Variants in FER observed in about 807,000 individuals in gnomAD.
FER encodes tyrosine-protein kinase Fer.
FER carries 63 observed loss-of-function variants against 111.0 expected under a neutral mutation model. The ratio of observed to expected loss-of-function variants is 0.57; its 90% CI spans 0.46 to 0.70. FER has a LOEUF of 0.70. FER is among the 30% of genes least tolerant of loss of function. The pLI, the probability that FER is intolerant of heterozygous loss-of-function variation, is 0.00. For missense variants in FER, 914 were observed against 954.0 expected (o/e 0.96, Z 0.55); for synonymous variants, 327 against 313.9 (o/e 1.04, Z -0.44).
rs1316101420 is a variant in FER, at chr5:109,191,224, C to T, written c.*3649C>T. On this transcript the variant is annotated 3_prime_UTR_variant, in exon 20 of 20. Coordinates refer to ENST00000281092, the MANE Select transcript of FER (RefSeq NM_005246.4). Reference sequence around the variant, plus strand: ...ATCTGAATCATAAGTCACAGTTTTTCAGGGTTCTTTCAGTCACACCACTTT... The same window carrying T: ...ATCTGAATCATAAGTCACAGTTTTTTAGGGTTCTTTCAGTCACACCACTTT... 1.3e-5 allele frequency: 2 copies of T among 152,136 alleles called. No individual in the cohort carries two copies. Among genetic ancestry groups the T allele is most frequent in the African/African-American group, 4.8e-5 (2 of 41,432 alleles). The allele number at this position is 152,136 out of a possible 1,614,324, so 9.4% of individuals were successfully genotyped here.
At chr5:109,107,900 A>G (rs139670627) in intron 17 of FER, among the ~76,000 whole-genome samples, 1 of 152,290 alleles carries the variant, frequency 6.6e-6, no homozygotes, top group Non-Finnish European at 1.5e-5. Context: ...CAGGTAATTA[A>G]TTAGTCTTTG....
At chr5:108,940,416 C>G (rs989349209) in intron 10 of FER, among the ~76,000 whole-genome samples, 1 of 152,048 alleles carries the variant, frequency 6.6e-6, no homozygotes, top group Non-Finnish European at 1.5e-5. Flanking sequence ...AAGAGACCAT[C>G]ATTTCTTCCT....
rs186430658 is a variant in FER at position 108,863,263 on chromosome 5, G to T, written c.482-4504G>T. Among the ~76,000 whole-genome samples, 464 of 152,238 alleles carry T rather than the reference G, an allele frequency of 3.0e-3. 2 individuals are homozygous for T. The highest frequency in any genetic ancestry group is 0.011 in the African/African-American group (440 of 41,542). Reference sequence around the variant, plus strand: ...GCCTCCCGATTGGCTGGGACCACAGGCATGCACCACCACACCTGGCTACTT... The same window carrying T: ...GCCTCCCGATTGGCTGGGACCACAGTCATGCACCACCACACCTGGCTACTT... On this transcript the variant is annotated intron_variant, in intron 5 of 19. Coordinates refer to ENST00000281092, the MANE Select transcript of FER (RefSeq NM_005246.4).
chr5:109,007,753 T>C (rs894919512), intron 13 of FER, among the ~76,000 whole-genome samples: 1 of 152,206 alleles, frequency 6.6e-6, no homozygotes, highest in African/African-American at 2.4e-5. Flanking sequence ...ACATTAACTT[T>C]TCATTTATCG....
At chr5:108,892,385 G>C (rs1748249024) in intron 9 of FER, among the ~76,000 whole-genome samples, 1 of 152,072 alleles carries the variant, frequency 6.6e-6, no homozygotes, top group African/African-American at 2.4e-5. Flanking sequence ...GTATCTCATT[G>C]TGGTTTTGAT....
At chr5:109,030,472 G>A (rs910976762) in intron 13 of FER, among the ~76,000 whole-genome samples, 1 of 152,130 alleles carries the variant, frequency 6.6e-6, no homozygotes, top group Non-Finnish European at 1.5e-5. Context: ...TTTAGGTTTA[G>A]CAGGTAGGGC....
intron 16 of FER, among the ~76,000 whole-genome samples, chr5:109,069,541 A>G (rs1257306611): frequency 1.3e-5 from 2 of 152,146 alleles, no homozygotes; most frequent in Non-Finnish European, 2.9e-5. Flanking sequence ...CATTGTCTCT[A>G]CCCCCTGAGT....
intron 3 of FER, among the ~76,000 whole-genome samples, chr5:108,830,022 G>T (rs923794507): frequency 2.0e-5 from 3 of 152,198 alleles, no homozygotes; most frequent in African/African-American, 4.8e-5. Flanking sequence ...CTTTCAGGAA[G>T]AGATTGGAGC....
chr5:108,948,690 A>C (rs900382247), intron 11 of FER, among the ~76,000 whole-genome samples: 1 of 152,090 alleles, frequency 6.6e-6, no homozygotes, highest in Non-Finnish European at 1.5e-5. Flanking sequence ...TGTTCCAGTC[A>C]TGTCAAGAAT....
At chr5:109,184,700 A>G (rs911596301) in intron 18 of FER, among the ~76,000 whole-genome samples, 5 of 152,242 alleles carry the variant, frequency 3.3e-5, no homozygotes, top group African/African-American at 1.2e-4. Flanking sequence ...AAGAAAATTA[A>G]TCTTCCACCC....
chr5:109,093,340 C>T (rs1210029162), intron 16 of FER, among the ~76,000 whole-genome samples: 1 of 152,114 alleles, frequency 6.6e-6, no homozygotes, highest in Non-Finnish European at 1.5e-5. Flanking sequence ...CCAACTCTTG[C>T]TGCAATGTGT....
chr5:109,138,403 G>C (rs899201070), intron 17 of FER, among the ~76,000 whole-genome samples: 17 of 152,156 alleles, frequency 1.1e-4, no homozygotes, highest in Admixed American at 9.8e-4. Context: ...CCAAGGTACA[G>C]CATGGGTGGT....
chr5:108,869,879 G>A (rs1359961739), intron 6 of FER, among the ~76,000 whole-genome samples: 4 of 151,902 alleles, frequency 2.6e-5, no homozygotes, highest in Non-Finnish European at 5.9e-5. Flanking sequence ...CTAAATTTTA[G>A]GTGATCCTCC....
At chr5:109,164,616 T>C (rs1385149168) in intron 17 of FER, among the ~76,000 whole-genome samples, 2 of 152,220 alleles carry the variant, frequency 1.3e-5, no homozygotes, top group Admixed American at 1.3e-4. Flanking sequence ...GCATTTGCCA[T>C]TTAGTATCAT....
chr5:109,049,209 T>A (rs187606057), intron 16 of FER, among the ~76,000 whole-genome samples: 1 of 152,332 alleles, frequency 6.6e-6, no homozygotes, highest in Admixed American at 6.5e-5. Context: ...ACCCATTTTT[T>A]ACCTGACAGG....
intron 13 of FER, among the ~76,000 whole-genome samples, chr5:109,011,918 A>G (rs1766324609): frequency 6.6e-6 from 1 of 152,184 alleles, no homozygotes; most frequent in Admixed American, 6.6e-5. Context: ...TCTGACAGCC[A>G]CTATGAACAC....
At chr5:109,074,626 C>T (rs1215414784) in intron 16 of FER, among the ~76,000 whole-genome samples, 1 of 152,166 alleles carries the variant, frequency 6.6e-6, no homozygotes, top group Non-Finnish European at 1.5e-5. Context: ...TGGAGCACAG[C>T]TCAAAGTAAA....
chr5:108,937,970 C>T (rs1448299439), intron 10 of FER, among the ~76,000 whole-genome samples: 2 of 151,110 alleles, frequency 1.3e-5, no homozygotes, highest in Non-Finnish European at 1.5e-5. Context: ...CTTTCTTCTG[C>T]TCTTTCCTTC....
intron 1 of FER, among the ~76,000 whole-genome samples, chr5:108,751,180 G>A (rs964738311): frequency 6.6e-6 from 1 of 151,882 alleles, no homozygotes; most frequent in Non-Finnish European, 1.5e-5. Flanking sequence ...TAACAAGACC[G>A]AAACTCCATC....
Sources: gnomAD v4.1 joint callset for allele counts (sites outside exome capture counted in the v4.1 genomes callset) on GRCh38, gnomAD v4.1.1 for gene constraint, MANE v1.5 for transcripts, NCBI Gene and HGNC (gene_info 2026-07-23, HGNC 2026-07-21) for gene names.